Variants in ZFR observed in about 807,000 individuals in gnomAD.
ZFR encodes zinc finger RNA binding protein.
Under a neutral mutation model 130.7 loss-of-function variants are expected in ZFR, and 19 were observed. The observed-to-expected ratio is 0.15, with a 90% CI of 0.10 to 0.21. The LOEUF (loss-of-function observed/expected upper bound fraction) is 0.21, where lower values mean the gene tolerates loss of function less well. ZFR is among the 10% of genes least tolerant of loss of function. ZFR has a pLI of 1.00. For synonymous variants in ZFR, 466 were observed against 456.9 expected, an observed-to-expected ratio of 1.02 and a Z score of -0.25; for missense variants, 872 against 1,321.5, an observed-to-expected ratio of 0.66 and a Z score of 5.27.
At chr5:32,438,277 T>TTTTTTTTTTTTTTTTG (rs1754387193) in intron 2 of ZFR, among the ~76,000 whole-genome samples, 1 of 129,302 alleles carries the variant, frequency 7.7e-6, no homozygotes, top group Admixed American at 8.5e-5. Context: ...TTTTTTTTTT[T>TTTTTTTTTTTTTTTTG]TTTGAGACGG....
At chr5:32,365,583 G>A (rs915787419) in intron 17 of ZFR, among the ~76,000 whole-genome samples, 1 of 151,680 alleles carries the variant, frequency 6.6e-6, no homozygotes, top group African/African-American at 2.4e-5. Flanking sequence ...TTTTGAGAAA[G>A]GGTCTTGTTC....
At chr5:32,417,501 A>T in intron 4 of ZFR, 147 bp downstream of exon 4, 1 of 881,570 alleles carries the variant, frequency 1.1e-6, no homozygotes, top group South Asian at 1.8e-5. Flanking sequence ...TGTGACTCCA[A>T]GGCATTTAGT....
chr5:32,392,040 G>A (rs1305683134), intron 11 of ZFR, among the ~76,000 whole-genome samples: 2 of 152,150 alleles, frequency 1.3e-5, no homozygotes, highest in Non-Finnish European at 2.9e-5. Context: ...AGCCAGCAGT[G>A]CTTTTTAGGA....
At chr5:32,417,863 A>G in intron 3 of ZFR, 71 bp from the exon 4 acceptor site, 2 of 1,459,022 alleles carry the variant, frequency 1.4e-6, no homozygotes, top group South Asian at 2.4e-5. Flanking sequence ...ACTGTATAGA[A>G]GTGCAATAAA....
Position 32,399,808 on chromosome 5 carries a change from CA to C in ZFR, c.1713+198del, listed in dbSNP as rs984814672. Among the ~76,000 whole-genome samples, 633 of 148,034 alleles carry C rather than the reference CA, an allele frequency of 4.3e-3. 3 individuals carry two copies. Among genetic ancestry groups the C allele is most frequent in the African/African-American group, 7.1e-3 (286 of 40,374 alleles). Reference sequence around the variant, plus strand: ...ACAGGGAAAATAATATAAAAGTTAGCAAAAAAAAAATCATTATGATGTCACT... The same window carrying C: ...ACAGGGAAAATAATATAAAAGTTAGCAAAAAAAAATCATTATGATGTCACT... On this transcript the variant is annotated intron_variant, in intron 9 of 19. Coordinates refer to ENST00000265069, the MANE Select transcript of ZFR (RefSeq NM_016107.5).
intron 15 of ZFR, among the ~76,000 whole-genome samples, chr5:32,381,727 G>C (rs966234585): frequency 6.6e-6 from 1 of 151,982 alleles, no homozygotes; most frequent in Non-Finnish European, 1.5e-5. Context: ...CTTTTTCTTA[G>C]TTTTTTACTC....
chr5:32,364,025 G>C lies in ZFR; in HGVS notation c.2968C>G (p.Pro990Ala). 1 of 1,614,040 alleles carries C rather than the reference G, an allele frequency of 6.2e-7. No homozygotes were observed. Among genetic ancestry groups the C allele is most frequent in the Non-Finnish European group, 8.5e-7 (1 of 1,179,992 alleles). The stretch of plus-strand genomic sequence containing the variant: ...GTATCAAAGGGATCCTTTTCACAAG[G>C]ATCCAGAAGTCCAGGACTACCTACA... ...ILKGSPGLLD[P>A]CEKDPFDTLA... Residue 990 changes from proline (P) to alanine (A), a missense_variant, in exon 19 of 20, where the codon CCT becomes GCT. Transcript: ENST00000265069.
intron 2 of ZFR, among the ~76,000 whole-genome samples, chr5:32,441,026 T>C (rs562970408): frequency 3.9e-4 from 60 of 152,262 alleles, no homozygotes; most frequent in Non-Finnish European, 7.5e-4. Flanking sequence ...CCAGCCAGAG[T>C]GTAATCGCGC....
chr5:32,373,433 T>C (rs918765886), intron 17 of ZFR, among the ~76,000 whole-genome samples: 13 of 152,148 alleles, frequency 8.5e-5, no homozygotes, highest in Non-Finnish European at 1.2e-4. Context: ...AAAACTACTG[T>C]TGGTTTAAAG....
intron 2 of ZFR, among the ~76,000 whole-genome samples, chr5:32,428,711 A>G (rs1754131180): frequency 6.6e-6 from 1 of 152,208 alleles, no homozygotes; most frequent in African/African-American, 2.4e-5. Flanking sequence ...ATAAAAGCAG[A>G]GCGTCCCACC....
intron 5 of ZFR, among the ~76,000 whole-genome samples, chr5:32,408,000 G>GC (rs1250249449): frequency 2.6e-5 from 4 of 152,102 alleles, no homozygotes; most frequent in African/African-American, 9.7e-5. Context: ...AATTTAAGAT[G>GC]CCCTTTAACA....
rs935908947 is a variant in ZFR at position 32,388,339 on chromosome 5, T to C, written c.2348+130A>G. ...AAGCAGCTGCAGAATACATGAAATA[T>C]CGAACACAGGCATGGTTAAAACACA... On this transcript the variant is annotated intron_variant, in intron 13 of 19. Coordinates refer to ENST00000265069, the MANE Select transcript of ZFR (RefSeq NM_016107.5). 19 of 861,880 alleles carry C rather than the reference T, an allele frequency of 2.2e-5. No homozygotes were observed. The Admixed American group carries it at 4.3e-4, about 19-fold the overall frequency. The allele number at this position is 861,880 out of a possible 1,614,324, so 53.4% of individuals were successfully genotyped here.
At chr5:32,410,732 T>A (rs1038928939) in intron 5 of ZFR, among the ~76,000 whole-genome samples, 3 of 152,244 alleles carry the variant, frequency 2.0e-5, no homozygotes, top group Non-Finnish European at 2.9e-5. Flanking sequence ...CAAGTCATCA[T>A]TTGGTAGGTA....
intron 8 of ZFR, among the ~76,000 whole-genome samples, chr5:32,402,798 C>CA (rs1042694211): frequency 1.5e-5 from 2 of 133,490 alleles, no homozygotes; most frequent in South Asian, 2.4e-4. Context: ...AAAAAAAAAA[C>CA]AAAAAAAACC....
chr5:32,424,099 G>C (rs1205216731), intron 2 of ZFR, among the ~76,000 whole-genome samples: 1 of 152,208 alleles, frequency 6.6e-6, no homozygotes, highest in Non-Finnish European at 1.5e-5. Context: ...CAGCTGTGGT[G>C]GCAGCAGGCC....
At chr5:32,393,345 A>AT (rs199542795) in intron 11 of ZFR, among the ~76,000 whole-genome samples, 424 of 145,972 alleles carry the variant, frequency 2.9e-3, no homozygotes, top group Non-Finnish European at 3.8e-3. Flanking sequence ...TTAGTTTTAA[A>AT]TTTTTTTTTT....
chr5:32,371,090 C>T (rs1358459838), intron 17 of ZFR, among the ~76,000 whole-genome samples: 1 of 152,188 alleles, frequency 6.6e-6, no homozygotes, highest in Non-Finnish European at 1.5e-5. Flanking sequence ...TATATTAGGG[C>T]CAGGCATGTT....
chr5:32,357,812 T>C (rs1258240620), intron 19 of ZFR, among the ~76,000 whole-genome samples: 1 of 152,238 alleles, frequency 6.6e-6, no homozygotes, highest in Non-Finnish European at 1.5e-5. Flanking sequence ...TTTCCTTAGA[T>C]GATTAGCCAG....
intron 2 of ZFR, among the ~76,000 whole-genome samples, chr5:32,434,855 A>G (rs2662519): frequency 0.95 from 145,224 of 152,314 alleles, 69,293 homozygotes; most frequent in African/African-American, 0.98. Context: ...CTCACTATTG[A>G]TTGGGTACAA....
Sources: gnomAD v4.1 joint callset for allele counts (sites outside exome capture counted in the v4.1 genomes callset) on GRCh38, gnomAD v4.1.1 for gene constraint, MANE v1.5 for transcripts, NCBI Gene and HGNC (gene_info 2026-07-23, HGNC 2026-07-21) for gene names.